ABCC1: variants seen among roughly 807,000 people sequenced by gnomAD.
The protein encoded by ABCC1 is multidrug resistance-associated protein 1.
In ABCC1, 83 loss-of-function variants were observed where a neutral mutation model predicts 172.9. That is an observed-to-expected ratio of 0.48 (90% confidence interval 0.40 to 0.58). The LOEUF (loss-of-function observed/expected upper bound fraction) is 0.58. Among genes scored for constraint, ABCC1 ranks in the 20% least tolerant of loss-of-function variants. The probability of loss-of-function intolerance (pLI) is 0.00; values close to 1 mark genes in which losing one functional copy is unlikely to be tolerated. For missense variants in ABCC1, 1,817 were observed against 2,002.7 expected, an observed-to-expected ratio of 0.91 and a Z score of 1.77; for synonymous variants, 937 against 825.2, an observed-to-expected ratio of 1.14 and a Z score of -2.32.
rs2051812138 is a variant in ABCC1 at position 16,102,572 on chromosome 16, T to G, written c.2645-55T>G. ...AGTGGCCGGTTTTTGTTGCCCTTGG[T>G]TTTAGCATCTGCCTCATATAACCCC... is the stretch of plus-strand genomic sequence containing the variant. On this transcript the variant is annotated intron_variant, in intron 19 of 30. Coordinates refer to ENST00000399410, the MANE Select transcript of ABCC1 (RefSeq NM_004996.4). 2.0e-6 allele frequency: 3 copies of G among 1,525,206 alleles called. No individual in the cohort carries two copies. In the South Asian group the frequency reaches 3.6e-5, roughly 18 times the overall value. 94.5% of individuals were successfully genotyped at this position (1,525,206 alleles called of 1,614,324 possible).
chr16:16,046,459 C>T (rs2049213612), intron 9 of ABCC1, among the ~76,000 whole-genome samples: 2 of 152,108 alleles, frequency 1.3e-5, no homozygotes, highest in Non-Finnish European at 2.9e-5. Flanking sequence ...ATTCTTCTGC[C>T]TCAGCCTCCT....
Position 16,068,138 on chromosome 16 carries a change from T to G in ABCC1, c.1678-18T>G, listed in dbSNP as rs747598614. On this transcript the variant is annotated intron_variant, in intron 12 of 30. Transcript: ENST00000399410. Reference sequence around the variant, plus strand: ...TCACTCGGGGCACAGCAGTCAGCACTGGGCGTTCTGCTTGCAGGTGGCCTT... The same window carrying G: ...TCACTCGGGGCACAGCAGTCAGCACGGGGCGTTCTGCTTGCAGGTGGCCTT... 2.1e-5 allele frequency: 34 copies of G among 1,613,748 alleles called. No individual in the cohort carries two copies. The highest frequency in any genetic ancestry group is 2.9e-5 in the Non-Finnish European group (34 of 1,179,998).
At chr16:16,011,251 A>G (rs887019887) in intron 3 of ABCC1, among the ~76,000 whole-genome samples, 2 of 151,534 alleles carry the variant, frequency 1.3e-5, no homozygotes, top group African/African-American at 4.8e-5. Context: ...AAAAGAAAAA[A>G]AAAAGGAGAG....
chr16:15,963,068 A>G (rs950869203), intron 1 of ABCC1, among the ~76,000 whole-genome samples: 8 of 152,260 alleles, frequency 5.3e-5, no homozygotes, highest in Non-Finnish European at 1.2e-4. Context: ...GCATTGGATA[A>G]ATACACCCGT....
In ABCC1 at chr16:16,068,287, C is replaced by A. The variant is rs775734485; in HGVS notation, c.1809C>A (p.Ile603=). 1 of 1,614,146 alleles carries A rather than the reference C, an allele frequency of 6.2e-7. No homozygotes were observed. The highest frequency in any genetic ancestry group is 8.5e-7 in the Non-Finnish European group (1 of 1,180,032). ...RFPLNILPMV[I]SSIVQASVSL... The stretch of plus-strand genomic sequence containing the variant: ...CCCTGAACATTCTCCCCATGGTCAT[C>A]AGCAGCATCGTGCAGGTACAGGGGG... Residue 603 remains isoleucine (I), a synonymous_variant, in exon 13 of 31, where the codon ATC becomes ATA. Transcript: ENST00000399410.
At chr16:16,032,610 A>G (rs1406068649) in intron 5 of ABCC1, among the ~76,000 whole-genome samples, 2 of 152,236 alleles carry the variant, frequency 1.3e-5, no homozygotes, top group Non-Finnish European at 2.9e-5. Context: ...CAAGTATATA[A>G]GCTCTTGGTA....
In ABCC1 at chr16:16,090,521, C is replaced by G. The variant is rs780647410; in HGVS notation, c.2577C>G (p.Asp859Glu). 5.0e-6 allele frequency: 8 copies of G among 1,613,618 alleles called. No individual in the cohort carries two copies. The highest frequency in any genetic ancestry group is 5.9e-6 in the Non-Finnish European group (7 of 1,179,908). The change falls in exon 19 of 31, where the codon GAC becomes GAG. Residue 859 changes from aspartate to glutamate, a missense_variant. Asp to Glu is a conservative substitution (Grantham distance 45). Transcript: ENST00000399410. Reference protein sequence around the residue: ...MGSYQELLARDGAFAEFLRTY... With the variant: ...MGSYQELLAREGAFAEFLRTY... ...CCTACCAGGAGCTGCTGGCTCGAGA[C>G]GGCGCCTTCGCTGAGTTCCTGCGTA...
chr16:16,059,483 A>G (rs2151925386), intron 12 of ABCC1, among the ~76,000 whole-genome samples: 1 of 152,200 alleles, frequency 6.6e-6, no homozygotes, highest in South Asian at 2.1e-4. Context: ...GTCATGTAAT[A>G]TTGTTTTGAT....
intron 20 of ABCC1, among the ~76,000 whole-genome samples, chr16:16,105,087 C>T (rs943287623): frequency 6.6e-5 from 10 of 152,220 alleles, no homozygotes; most frequent in Non-Finnish European, 1.3e-4. Context: ...AGTGCAGCGG[C>T]GGGCTGAAGG....
intron 5 of ABCC1, among the ~76,000 whole-genome samples, chr16:16,019,673 G>A (rs1051369281): frequency 6.6e-6 from 1 of 152,176 alleles, no homozygotes; most frequent in African/African-American, 2.4e-5. Context: ...CCCTGGGCGT[G>A]TGTGTACCAG....
intron 6 of ABCC1, among the ~76,000 whole-genome samples, chr16:16,035,129 C>T (rs1460957508): frequency 1.3e-5 from 2 of 152,114 alleles, no homozygotes; most frequent in Non-Finnish European, 2.9e-5. Context: ...CTGCTGGGCA[C>T]GGTGGCTCAT....
intron 1 of ABCC1, among the ~76,000 whole-genome samples, chr16:15,974,087 T>C (rs2046430741): frequency 6.6e-6 from 1 of 152,184 alleles, no homozygotes; most frequent in South Asian, 2.1e-4. Context: ...ATGATAGCCC[T>C]CTTGCCAGGC....
chr16:15,955,315 G>A (rs576678279), intron 1 of ABCC1, among the ~76,000 whole-genome samples: 1 of 152,048 alleles, frequency 6.6e-6, no homozygotes, highest in African/African-American at 2.4e-5. Flanking sequence ...CCGAGAGTTC[G>A]CCACTGCGCT....
At chr16:16,023,928 G>C (rs1310409793) in intron 5 of ABCC1, among the ~76,000 whole-genome samples, 1 of 152,178 alleles carries the variant, frequency 6.6e-6, no homozygotes, top group East Asian at 1.9e-4. Context: ...TTGGAATTCG[G>C]CTTGGCTAGG....
chr16:16,138,522 T>TGTTACGG lies in ABCC1; in HGVS notation c.4451_4452insGTTACGG (p.Ile1484MetfsTer88). 1 of 1,562,910 alleles carries TGTTACGG rather than the reference T, an allele frequency of 6.4e-7. No homozygotes were observed. Among genetic ancestry groups the TGTTACGG allele is most frequent in the Non-Finnish European group, 8.7e-7 (1 of 1,149,776 alleles). The stretch of plus-strand genomic sequence containing the variant: ...TTCGAGGACTGCACCGTCCTCACCA[T>TGTTACGG]CGCCCACCGGCTCAACACCATCATG... On this transcript the variant is annotated frameshift_variant, in exon 30 of 31. Transcript: ENST00000399410. LOFTEE classifies it high-confidence loss of function.
chr16:15,984,488 G>A (rs1016238372), intron 1 of ABCC1, among the ~76,000 whole-genome samples: 1 of 144,864 alleles, frequency 6.9e-6, no homozygotes, highest in Non-Finnish European at 1.5e-5. Context: ...CTGTCAACAG[G>A]CTGGAGTGCA....
At chr16:16,134,990 CCT>C (rs1459064582) in intron 28 of ABCC1, among the ~76,000 whole-genome samples, 1 of 152,074 alleles carries the variant, frequency 6.6e-6, no homozygotes, top group Non-Finnish European at 1.5e-5. Context: ...CCCTGAATTT[CCT>C]CTTAGTATAT....
chr16:16,127,576 C>G (rs1253788231), intron 26 of ABCC1, among the ~76,000 whole-genome samples: 1 of 152,166 alleles, frequency 6.6e-6, no homozygotes, highest in Non-Finnish European at 1.5e-5. Context: ...AAGTTACTTG[C>G]CCAAGATCAC....
At chr16:15,977,300 G>A (rs912629493) in intron 1 of ABCC1, among the ~76,000 whole-genome samples, 1 of 152,230 alleles carries the variant, frequency 6.6e-6, no homozygotes, top group Non-Finnish European at 1.5e-5. Context: ...AATCCTAAGT[G>A]AAGTTTCATT....
Sources: gnomAD v4.1 joint callset for allele counts (sites outside exome capture counted in the v4.1 genomes callset) on GRCh38, gnomAD v4.1.1 for gene constraint, MANE v1.5 for transcripts, NCBI Gene and HGNC (gene_info 2026-07-23, HGNC 2026-07-21) for gene names.